Variants in SH3GL2 observed in about 807,000 individuals in gnomAD.
SH3GL2 encodes the protein endophilin-A1.
A neutral mutation model predicts 46.0 loss-of-function variants in SH3GL2; 24 were observed. The ratio of observed to expected loss-of-function variants is 0.52; its 90% CI spans 0.38 to 0.73. SH3GL2 has a LOEUF of 0.73. Ranked by LOEUF, SH3GL2 falls within the 30% of genes least tolerant of loss-of-function variation. SH3GL2 has a pLI of 0.00. For missense variants in SH3GL2, 413 were observed against 424.2 expected, an observed-to-expected ratio of 0.97 and a Z score of 0.23; for synonymous variants, 196 against 147.1, an observed-to-expected ratio of 1.33 and a Z score of -2.40.
At chr9:17,721,910 A>G (rs1460931759) in intron 1 of SH3GL2, among the ~76,000 whole-genome samples, 2 of 152,080 alleles carry the variant, frequency 1.3e-5, no homozygotes, top group African/African-American at 2.4e-5. Context: ...AATTAGGACA[A>G]TGAGATGGGG....
chr9:17,646,684 C>T (rs985530306), intron 1 of SH3GL2, among the ~76,000 whole-genome samples: 2 of 152,186 alleles, frequency 1.3e-5, no homozygotes, highest in African/African-American at 4.8e-5. Flanking sequence ...CCCTGTTTGC[C>T]TCGGTATCAC....
intron 1 of SH3GL2, among the ~76,000 whole-genome samples, chr9:17,746,481 A>C (rs1295777043): frequency 6.6e-6 from 1 of 152,232 alleles, no homozygotes; most frequent in Admixed American, 6.5e-5. Context: ...AGTAGCAAAG[A>C]AATGCCTTCA....
At chr9:17,622,211 C>G (rs1819156852) in intron 1 of SH3GL2, among the ~76,000 whole-genome samples, 1 of 152,136 alleles carries the variant, frequency 6.6e-6, no homozygotes, top group African/African-American at 2.4e-5. Flanking sequence ...TGGTTACTTG[C>G]CAGGGTGGTA....
intron 1 of SH3GL2, among the ~76,000 whole-genome samples, chr9:17,696,948 T>G (rs1821218707): frequency 6.6e-6 from 1 of 151,558 alleles, no homozygotes; most frequent in Non-Finnish European, 1.5e-5. Flanking sequence ...TTTTAAAGAC[T>G]GAACATGCAG....
rs150387241 is a variant in SH3GL2, at chr9:17,712,690, T to G, written c.46-34376T>G. On this transcript the variant is annotated intron_variant, in intron 1 of 8. Coordinates refer to ENST00000380607, the MANE Select transcript of SH3GL2 (RefSeq NM_003026.5). ...ATTTGTCTTTTCTGATGCCAATACC[T>G]CCTTGATTACAGTAGCTTTATGATA... 2.0e-5 allele frequency among the ~76,000 whole-genome samples: 3 copies of G among 152,002 alleles called. No individual in the cohort carries two copies. The East Asian group carries it at 5.8e-4, about 29-fold the overall frequency.
chr9:17,789,529 G>C lies in SH3GL2; in HGVS notation c.603G>C (p.Met201Ile). 3 of 1,613,380 alleles carry C rather than the reference G, an allele frequency of 1.9e-6. No homozygotes were observed. Among genetic ancestry groups the C allele is most frequent in the Non-Finnish European group, 2.5e-6 (3 of 1,179,506 alleles). Residue 201 changes from methionine to isoleucine, a missense_variant, in exon 6 of 9, where the codon ATG becomes ATC. This residue lies in a region of SH3GL2 where 248 missense variants were observed against 215.0 expected (regional missense o/e 1.15). Transcript: ENST00000380607. ...DESKEIAESS[M>I]FNLLEMDIEQ... The stretch of plus-strand genomic sequence containing the variant: ...CTAAGGAAATTGCTGAGTCAAGCAT[G>C]TTCAATCTCTTGGAGATGGATGTAA...
intron 1 of SH3GL2, among the ~76,000 whole-genome samples, chr9:17,666,588 TAA>T (rs1425587254): frequency 8.1e-6 from 1 of 123,318 alleles, no homozygotes; most frequent in African/African-American, 2.9e-5. Context: ...GTATATACAT[TAA>T]GTTTGCTTTT....
chr9:17,721,876 C>T (rs1193888149), intron 1 of SH3GL2, among the ~76,000 whole-genome samples: 1 of 151,986 alleles, frequency 6.6e-6, no homozygotes. Context: ...CTCTGGAGAA[C>T]CCTAATATAA....
chr9:17,667,357 C>T (rs1190088573), intron 1 of SH3GL2, among the ~76,000 whole-genome samples: 7 of 152,074 alleles, frequency 4.6e-5, no homozygotes, highest in Non-Finnish European at 4.4e-5. Context: ...ACCCCATGCC[C>T]ACTGGCACCC....
At chr9:17,756,284 A>G in intron 2 of SH3GL2, among the ~76,000 whole-genome samples, 1 of 152,264 alleles carries the variant, frequency 6.6e-6, no homozygotes, top group South Asian at 2.1e-4. Flanking sequence ...ACATGCCTGT[A>G]TCTGTATATA....
At chr9:17,615,372 A>G (rs1818964441) in intron 1 of SH3GL2, among the ~76,000 whole-genome samples, 1 of 152,082 alleles carries the variant, frequency 6.6e-6, no homozygotes, top group Non-Finnish European at 1.5e-5. Flanking sequence ...ATTTCCCTTC[A>G]TTGGCTGGGT....
At chr9:17,584,306 G>C (rs1326333536) in intron 1 of SH3GL2, among the ~76,000 whole-genome samples, 10 of 152,068 alleles carry the variant, frequency 6.6e-5, no homozygotes, top group African/African-American at 2.2e-4. Flanking sequence ...TTCAAAACCG[G>C]CTTTGCCAGT....
At position 17,677,626 on chromosome 9, in the gene SH3GL2, A is replaced by G. The variant is rs1296136651; in HGVS notation, c.46-69440A>G. Among the ~76,000 whole-genome samples, 17 of 112,872 alleles carry G rather than the reference A, an allele frequency of 1.5e-4. No individual in the cohort carries two copies. The East Asian group carries it at 3.0e-3, about 20-fold the overall frequency. 74.0% of individuals were successfully genotyped at this position (112,872 alleles called of 152,430 possible). ...TTACCTACTGTTTAAATTGTATGGTATATATATATATATATATTTATACTT... is the reference window on the plus strand; with the variant it reads ...TTACCTACTGTTTAAATTGTATGGTGTATATATATATATATATTTATACTT... On this transcript the variant is annotated intron_variant, in intron 1 of 8. Transcript: ENST00000380607.
intron 1 of SH3GL2, among the ~76,000 whole-genome samples, chr9:17,615,483 C>T (rs377004329): frequency 6.6e-6 from 1 of 151,676 alleles, no homozygotes; most frequent in African/African-American, 2.4e-5. Context: ...AGTGAAACCC[C>T]GTCTCTACTA....
chr9:17,777,641 G>GAGT (rs138515080), intron 3 of SH3GL2, among the ~76,000 whole-genome samples: 1 of 147,450 alleles, frequency 6.8e-6, no homozygotes, highest in African/African-American at 2.5e-5. Flanking sequence ...CTGGTAGTTA[G>GAGT]ACGCCTTCTC....
intron 1 of SH3GL2, among the ~76,000 whole-genome samples, chr9:17,640,515 T>C (rs1055937212): frequency 4.6e-5 from 7 of 152,164 alleles, no homozygotes; most frequent in Non-Finnish European, 1.0e-4. Context: ...ACCAACAACG[T>C]TGGTATGATT....
At chr9:17,762,417 G>A (rs1234391938) in intron 3 of SH3GL2, among the ~76,000 whole-genome samples, 1 of 151,552 alleles carries the variant, frequency 6.6e-6, no homozygotes, top group Non-Finnish European at 1.5e-5. Flanking sequence ...AAAAAAAAAG[G>A]GGGCGGGTGT....
chr9:17,592,381 C>G (rs1015308012), intron 1 of SH3GL2, among the ~76,000 whole-genome samples: 4 of 152,206 alleles, frequency 2.6e-5, no homozygotes, highest in Admixed American at 2.0e-4. Flanking sequence ...ATCTGGGTAT[C>G]CCTTAACCCA....
chr9:17,700,723 C>T (rs1041459768), intron 1 of SH3GL2, among the ~76,000 whole-genome samples: 1 of 152,146 alleles, frequency 6.6e-6, no homozygotes, highest in Non-Finnish European at 1.5e-5. Context: ...AAAATCCTGT[C>T]AGCAATAACG....
Sources: gnomAD v4.1 joint callset for allele counts (sites outside exome capture counted in the v4.1 genomes callset) on GRCh38, gnomAD v4.1.1 for gene constraint, gnomAD v4.1.1 regional missense constraint, MANE v1.5 for transcripts, NCBI Gene and HGNC (gene_info 2026-07-23, HGNC 2026-07-21) for gene names.